Variants in NKAIN3 observed in about 807,000 individuals in gnomAD.
NKAIN3 encodes the protein sodium/potassium-transporting ATPase subunit beta-1-interacting protein 3.
In NKAIN3, 25 loss-of-function variants were observed where a neutral mutation model predicts 30.2. That is an observed-to-expected ratio of 0.83 (90% CI 0.60 to 1.16). The LOEUF (loss-of-function observed/expected upper bound fraction) is 1.16. NKAIN3 is among the 50% of genes most tolerant of loss of function. NKAIN3 has a pLI of 0.00. For missense variants in NKAIN3, 225 were observed against 254.1 expected, an observed-to-expected ratio of 0.89 and a Z score of 0.78; for synonymous variants, 91 against 89.6, an observed-to-expected ratio of 1.02 and a Z score of -0.09.
chr8:62,636,370 CAT>C (rs1311807352), intron 3 of NKAIN3, among the ~76,000 whole-genome samples: 4 of 152,192 alleles, frequency 2.6e-5, no homozygotes, highest in Non-Finnish European at 5.9e-5. Context: ...CATGCACACA[CAT>C]ACACACATAT....
intron 1 of NKAIN3, among the ~76,000 whole-genome samples, chr8:62,296,230 C>T (rs188761480): frequency 2.0e-3 from 309 of 152,266 alleles, no homozygotes; most frequent in Non-Finnish European, 3.9e-3. Context: ...GCTGCTATTT[C>T]CTGCTGGGAT....
intron 4 of NKAIN3, among the ~76,000 whole-genome samples, chr8:62,800,117 G>A (rs1818007051): frequency 6.6e-6 from 1 of 152,094 alleles, no homozygotes; most frequent in African/African-American, 2.4e-5. Flanking sequence ...TTTGGGTGAT[G>A]GATGCACCAA....
chr8:62,988,656 C>T (rs2130931276), downstream of NKAIN3, among the ~76,000 whole-genome samples: 1 of 152,338 alleles, frequency 6.6e-6, no homozygotes, highest in African/African-American at 2.4e-5. Flanking sequence ...GGCTTTGGGC[C>T]CAGCCCAGGA....
At chr8:62,478,772 AG>A (rs1429436826) in intron 1 of NKAIN3, among the ~76,000 whole-genome samples, 5 of 152,206 alleles carry the variant, frequency 3.3e-5, no homozygotes, top group Non-Finnish European at 7.3e-5. Flanking sequence ...AGTCAGGGTT[AG>A]GGGGTTGCTG....
intron 3 of NKAIN3, among the ~76,000 whole-genome samples, chr8:62,618,976 G>T (rs971878633): frequency 7.9e-5 from 12 of 152,118 alleles, no homozygotes; most frequent in African/African-American, 2.2e-4. Context: ...AAAGAGAAGA[G>T]ATACCTACAA....
At chr8:62,383,792 G>C (rs1817344501) in intron 1 of NKAIN3, among the ~76,000 whole-genome samples, 1 of 151,736 alleles carries the variant, frequency 6.6e-6, no homozygotes, top group Admixed American at 6.6e-5. Flanking sequence ...TAAAAGCTAA[G>C]TTTTCAATAC....
intron 3 of NKAIN3, among the ~76,000 whole-genome samples, chr8:62,657,259 A>G (rs1812788489): frequency 6.6e-6 from 1 of 152,220 alleles, no homozygotes; most frequent in Non-Finnish European, 1.5e-5. Context: ...ACTTCTTAAG[A>G]TATCAGAATC....
At chr8:62,842,446 T>A (rs927433553) in intron 4 of NKAIN3, among the ~76,000 whole-genome samples, 3 of 152,000 alleles carry the variant, frequency 2.0e-5, no homozygotes, top group Admixed American at 1.3e-4. Context: ...CAAAAAATAA[T>A]CTACAGATTC....
At chr8:62,320,206 T>G (rs896643535) in intron 1 of NKAIN3, among the ~76,000 whole-genome samples, 9 of 152,212 alleles carry the variant, frequency 5.9e-5, no homozygotes, top group Non-Finnish European at 1.3e-4. Flanking sequence ...TCCATCCCTT[T>G]ATTTTGAGCC....
chr8:62,481,723 G>T (rs1391143675), intron 1 of NKAIN3, among the ~76,000 whole-genome samples: 1 of 152,162 alleles, frequency 6.6e-6, no homozygotes, highest in Non-Finnish European at 1.5e-5. Context: ...TTTATGACTT[G>T]GCAGAACACA....
chr8:62,307,047 T>C lies in NKAIN3; in HGVS notation c.54+57920T>C, dbSNP rs7832502. Among the ~76,000 whole-genome samples the C allele has an allele frequency of 9.8e-3, 1,468 of 150,070 alleles. 147 individuals are homozygous for C. The highest frequency in any genetic ancestry group is 0.035 in the African/African-American group (1,381 of 39,582). On this transcript the variant is annotated intron_variant, in intron 1 of 6. Coordinates refer to ENST00000623646, the MANE Select transcript of NKAIN3 (RefSeq NM_001304533.3). The stretch of plus-strand genomic sequence containing the variant: ...AATAATTTGAATCCCCTTCTGAGAA[T>C]GATTCACTGCTGGAATGTGGTCAAA...
chr8:62,565,477 T>C (rs827704), intron 1 of NKAIN3, among the ~76,000 whole-genome samples: 52,575 of 151,922 alleles, frequency 0.35, 9,340 homozygotes, highest in African/African-American at 0.43. Context: ...ATTTTCCTGA[T>C]TTTACAGAGG....
At chr8:62,480,227 G>T (rs1806669542) in intron 1 of NKAIN3, among the ~76,000 whole-genome samples, 1 of 151,934 alleles carries the variant, frequency 6.6e-6, no homozygotes, top group South Asian at 2.1e-4. Context: ...TCTTTTAGCT[G>T]CCACATACAC....
chr8:62,843,097 G>A (rs868436569), intron 4 of NKAIN3, among the ~76,000 whole-genome samples: 1 of 151,882 alleles, frequency 6.6e-6, no homozygotes, highest in Non-Finnish European at 1.5e-5. Flanking sequence ...CAAACCATGG[G>A]TCTTTACAAG....
intron 4 of NKAIN3, among the ~76,000 whole-genome samples, chr8:62,907,197 G>T (rs1821801498): frequency 1.3e-5 from 2 of 152,142 alleles, no homozygotes; most frequent in Admixed American, 1.3e-4. Flanking sequence ...GAACTTGAGA[G>T]AGATAATTTA....
intron 1 of NKAIN3, among the ~76,000 whole-genome samples, chr8:62,385,252 C>T (rs1817390333): frequency 6.6e-6 from 1 of 152,088 alleles, no homozygotes; most frequent in African/African-American, 2.4e-5. Flanking sequence ...TATGCCAGGC[C>T]CTCTACAAAC....
chr8:62,359,877 T>C (rs1214958877), intron 1 of NKAIN3, among the ~76,000 whole-genome samples: 1 of 152,182 alleles, frequency 6.6e-6, no homozygotes, highest in Admixed American at 6.5e-5. Context: ...TGGAAATGGA[T>C]GGGAACATCC....
chr8:62,592,689 TA>T (rs554816755), intron 3 of NKAIN3, among the ~76,000 whole-genome samples: 5 of 152,092 alleles, frequency 3.3e-5, no homozygotes, highest in Admixed American at 3.3e-4. Context: ...TGACAATAGT[TA>T]ATGTTATTTA....
At chr8:62,585,738 G>A (rs984618841) in intron 2 of NKAIN3, among the ~76,000 whole-genome samples, 2 of 152,072 alleles carry the variant, frequency 1.3e-5, no homozygotes, top group Non-Finnish European at 2.9e-5. Context: ...CCTGCTTTAG[G>A]GGAATACTGT....
Sources: allele counts gnomAD v4.1 joint callset (sites outside exome capture counted in the v4.1 genomes callset), GRCh38; gene constraint gnomAD v4.1.1; transcripts MANE v1.5; gene names NCBI Gene and HGNC (gene_info 2026-07-23, HGNC 2026-07-21).